LRRTM4: variants seen among roughly 807,000 people sequenced by gnomAD.
LRRTM4 encodes the protein leucine rich repeat transmembrane neuronal 4, also known as leucine-rich repeat transmembrane neuronal protein 4.
A neutral mutation model predicts 47.6 loss-of-function variants in LRRTM4; 25 were observed. The ratio of observed to expected loss-of-function variants is 0.53; its 90% CI spans 0.38 to 0.73. The LOEUF is 0.73. Ranked by LOEUF, LRRTM4 falls within the 30% of genes least tolerant of loss-of-function variation. LRRTM4 has a pLI of 0.00. For missense variants in LRRTM4, 638 were observed against 713.4 expected (o/e 0.89, Z 1.20); for synonymous variants, 311 against 269.5 (o/e 1.15, Z -1.51).
chr2:77,071,029 T>A lies in LRRTM4; in HGVS notation c.1552-322113A>T, dbSNP rs894353856. ...GATTACTACCTGTGCATGTCTAATA[T>A]TTTATTCTCCTTTTTGTTTTTTATC... On this transcript the variant is annotated intron_variant, in intron 3 of 3. Transcript: ENST00000409884. Among the ~76,000 whole-genome samples, 3 of 152,216 alleles carry A rather than the reference T, an allele frequency of 2.0e-5. 1 individual carries two copies. Among genetic ancestry groups the A allele is most frequent in the Non-Finnish European group, 4.4e-5 (3 of 68,040 alleles).
At chr2:77,099,366 A>G (rs1361369810) in intron 3 of LRRTM4, among the ~76,000 whole-genome samples, 1 of 152,022 alleles carries the variant, frequency 6.6e-6, no homozygotes, top group East Asian at 1.9e-4. Context: ...GTTGCAATAC[A>G]ATGAATATAT....
intron 3 of LRRTM4, among the ~76,000 whole-genome samples, chr2:76,822,715 G>A (rs1671085956): frequency 6.6e-6 from 1 of 151,416 alleles, no homozygotes; most frequent in Non-Finnish European, 1.5e-5. Flanking sequence ...ATAAGATCAA[G>A]CCACTCAGAA....
intron 2 of LRRTM4, among the ~76,000 whole-genome samples, chr2:77,520,577 C>A (rs1348731673): frequency 6.6e-6 from 1 of 152,066 alleles, no homozygotes; most frequent in Non-Finnish European, 1.5e-5. Context: ...ATACTCATAA[C>A]AGAGAACACT....
At chr2:77,446,948 T>C (rs1018565658) in intron 3 of LRRTM4, among the ~76,000 whole-genome samples, 1 of 152,168 alleles carries the variant, frequency 6.6e-6, no homozygotes, top group African/African-American at 2.4e-5. Flanking sequence ...AATAGGTGTT[T>C]GTCATTTTAC....
chr2:77,418,659 C>G (rs576067570), intron 3 of LRRTM4, among the ~76,000 whole-genome samples: 2 of 152,308 alleles, frequency 1.3e-5, no homozygotes, highest in Non-Finnish European at 2.9e-5. Context: ...TGTATCCCAG[C>G]AACACGACTC....
intron 3 of LRRTM4, among the ~76,000 whole-genome samples, chr2:77,222,396 C>CA (rs1410440541): frequency 2.0e-5 from 3 of 151,934 alleles, no homozygotes; most frequent in Non-Finnish European, 2.9e-5. Flanking sequence ...AAAAACCCTT[C>CA]AAAAAATCAA....
chr2:77,012,196 G>A (rs1677899869), intron 3 of LRRTM4, among the ~76,000 whole-genome samples: 1 of 151,928 alleles, frequency 6.6e-6, no homozygotes, highest in South Asian at 2.1e-4. Context: ...AGGCAAGCAG[G>A]GAAGCTTACT....
At chr2:76,999,656 C>T (rs1381617749) in intron 3 of LRRTM4, among the ~76,000 whole-genome samples, 1 of 152,056 alleles carries the variant, frequency 6.6e-6, no homozygotes, top group Non-Finnish European at 1.5e-5. Context: ...TTCACTTAAG[C>T]TGTTAATACA....
At chr2:76,774,739 A>G (rs1207288799) in intron 3 of LRRTM4, among the ~76,000 whole-genome samples, 2 of 152,130 alleles carry the variant, frequency 1.3e-5, no homozygotes, top group African/African-American at 4.8e-5. Context: ...ACACATCATA[A>G]TTTCTGTCTG....
At chr2:77,193,583 G>A (rs1312218329) in intron 3 of LRRTM4, among the ~76,000 whole-genome samples, 2 of 151,872 alleles carry the variant, frequency 1.3e-5, no homozygotes, top group African/African-American at 4.8e-5. Flanking sequence ...GCCGAGGCGG[G>A]CAGATCACCT....
At chr2:77,131,181 G>A (rs976161804) in intron 3 of LRRTM4, among the ~76,000 whole-genome samples, 6 of 152,120 alleles carry the variant, frequency 3.9e-5, no homozygotes, top group African/African-American at 1.4e-4. Flanking sequence ...TAACACAATA[G>A]AGGAAGACTG....
chr2:77,427,769 A>G (rs1300575688), intron 3 of LRRTM4, among the ~76,000 whole-genome samples: 2 of 152,246 alleles, frequency 1.3e-5, no homozygotes, highest in East Asian at 3.8e-4. Context: ...GCTCCACTGA[A>G]GAGTTAAAAT....
chr2:76,974,253 T>C (rs549570018), intron 3 of LRRTM4, among the ~76,000 whole-genome samples: 16 of 137,564 alleles, frequency 1.2e-4, no homozygotes, highest in East Asian at 6.1e-4. Flanking sequence ...TATATATATA[T>C]ACACACACAT....
intron 3 of LRRTM4, among the ~76,000 whole-genome samples, chr2:77,249,289 G>T (rs927472573): frequency 6.6e-6 from 1 of 151,962 alleles, no homozygotes; most frequent in Admixed American, 6.6e-5. Context: ...GGCAGAGGTT[G>T]CAGTGAGCCG....
intron 3 of LRRTM4, among the ~76,000 whole-genome samples, chr2:77,104,900 CAGATA>C (rs1449725917): frequency 6.6e-6 from 1 of 151,994 alleles, no homozygotes; most frequent in African/African-American, 2.4e-5. Context: ...GGAGGAAAAT[CAGATA>C]AGATAAGGAG....
chr2:76,884,073 A>G (rs1673004025), intron 3 of LRRTM4, among the ~76,000 whole-genome samples: 1 of 150,786 alleles, frequency 6.6e-6, no homozygotes, highest in Admixed American at 6.6e-5. Flanking sequence ...ACCCACCTCG[A>G]CCTCCCAAAT....
chr2:77,444,201 G>A (rs1447997013), intron 3 of LRRTM4, among the ~76,000 whole-genome samples: 1 of 152,074 alleles, frequency 6.6e-6, no homozygotes, highest in African/African-American at 2.4e-5. Flanking sequence ...CAACATGAAT[G>A]ATATACCTAG....
chr2:76,967,690 C>T (rs1468395111), intron 3 of LRRTM4, among the ~76,000 whole-genome samples: 1 of 151,648 alleles, frequency 6.6e-6, no homozygotes, highest in Admixed American at 6.6e-5. Context: ...CTTGAAATGC[C>T]CTTTTTCTTC....
chr2:77,320,758 A>T (rs993160422), intron 3 of LRRTM4, among the ~76,000 whole-genome samples: 1 of 152,094 alleles, frequency 6.6e-6, no homozygotes, highest in African/African-American at 2.4e-5. Flanking sequence ...AAAAATATTA[A>T]ATACACAGAG....
Sources: gnomAD v4.1 joint callset for allele counts (sites outside exome capture counted in the v4.1 genomes callset) on GRCh38, gnomAD v4.1.1 for gene constraint, MANE v1.5 for transcripts, NCBI Gene and HGNC (gene_info 2026-07-23, HGNC 2026-07-21) for gene names.